INPPL1: variants seen among roughly 807,000 people sequenced by gnomAD.
INPPL1 encodes the protein inositol polyphosphate phosphatase like 1.
A neutral mutation model predicts 139.3 loss-of-function variants in INPPL1; 91 were observed. The observed-to-expected ratio is 0.65, with a 90% CI of 0.55 to 0.78. The LOEUF is 0.78. Ranked by LOEUF, INPPL1 falls within the 30% of genes least tolerant of loss-of-function variation. The pLI is 0.00. For synonymous variants in INPPL1, 719 were observed against 686.6 expected (o/e 1.05, Z -0.74); for missense variants, 1,411 against 1,665.6 (o/e 0.85, Z 2.66).
Position 72,237,357 on chromosome 11 carries a change from G to A in INPPL1, c.3113G>A (p.Ser1038Asn). ...HHRHPRVGEG[S>N]SSDEESGGTL... Reference sequence around the variant, plus strand: ...CGGCACCCTCGTGTGGGAGAGGGGAGTTCTTCAGATGAGGAGTCTGGAGGC... The same window carrying A: ...CGGCACCCTCGTGTGGGAGAGGGGAATTCTTCAGATGAGGAGTCTGGAGGC... Residue 1038 changes from serine to asparagine, a missense_variant, in exon 26 of 28, where the codon AGT becomes AAT. Around this residue, in one of 5 missense-constraint regions of INPPL1, gnomAD observed 438 missense variants for 425.7 expected, o/e 1.03. Coordinates refer to ENST00000298229, the MANE Select transcript of INPPL1 (RefSeq NM_001567.4). 3.1e-6 allele frequency: 5 copies of A among 1,614,000 alleles called. No individual in the cohort carries two copies. The highest frequency in any genetic ancestry group is 4.2e-6 in the Non-Finnish European group (5 of 1,180,024).
chr11:72,237,756 CCCGCAT>C lies in INPPL1; in HGVS notation c.3516_3521del (p.Ile1173_Arg1174del). On this transcript the variant is annotated inframe_deletion, in exon 26 of 28. Coordinates refer to ENST00000298229, the MANE Select transcript of INPPL1 (RefSeq NM_001567.4). Reference sequence around the variant, plus strand: ...GGCCGGCCCCTCAGCTTCCCTCCACCCCGCATCCGGGAGAGCATCCAGGAAGACCTG... The same window carrying C: ...GGCCGGCCCCTCAGCTTCCCTCCACCCCGGGAGAGCATCCAGGAAGACCTG... 1 of 1,610,942 alleles carries C rather than the reference CCCGCAT, an allele frequency of 6.2e-7. No individual in the cohort carries two copies. Among genetic ancestry groups the C allele is most frequent in the Non-Finnish European group, 8.5e-7 (1 of 1,179,166 alleles).
rs187494125 is a variant in INPPL1, at chr11:72,233,049, C to T, written c.1952-26C>T. 3,068 of 1,610,740 alleles carry T rather than the reference C, an allele frequency of 1.9e-3. 15 individuals are homozygous for T. Among genetic ancestry groups the T allele is most frequent in the Admixed American group, 0.014 (839 of 59,982 alleles). ...TATCCCTGGGTGTCAGGGCCCTGAA[C>T]CCCACCTGTCTCCTGCTTTCCTTAG... On this transcript the variant is annotated intron_variant, in intron 16 of 27. Transcript: ENST00000298229.
chr11:72,236,123 T>G, intron 25 of INPPL1, 137 bp downstream of exon 25: 1 of 617,872 alleles, frequency 1.6e-6, no homozygotes, highest in Admixed American at 3.0e-5. Context: ...GGAGCTGCCA[T>G]GGCCTTATGC....
chr11:72,238,134 G>A lies in INPPL1; in HGVS notation c.3645G>A (p.Glu1215=). 1 of 1,587,842 alleles carries A rather than the reference G, an allele frequency of 6.3e-7. No homozygotes were observed. Residue 1215 remains glutamate, a synonymous_variant, in exon 27 of 28, where the codon GAG becomes GAA. Transcript: ENST00000298229. ...LRAIGLERYE[E]GLVHNGWDDL... ...CCATCGGCTTGGAGCGCTATGAGGA[G>A]GGCCTGGTGCATAATGGCTGGGACG...
At chr11:72,231,277 A>T in intron 12 of INPPL1, 88 bp downstream of exon 12, 1 of 1,295,504 alleles carries the variant, frequency 7.7e-7, no homozygotes, top group Non-Finnish European at 1.1e-6. Flanking sequence ...CCCTGGGAGC[A>T]CAGCTTCACT....
chr11:72,231,071 T>G lies in INPPL1; in HGVS notation c.1379T>G (p.Val460Gly), dbSNP rs773103533. 1.2e-6 allele frequency: 2 copies of G among 1,614,124 alleles called. No homozygotes were observed. The highest frequency in any genetic ancestry group is 1.7e-6 in the Non-Finnish European group (2 of 1,180,010). ...GLGKTLDEVTVTIPHDIYVFG... is the reference protein window; with the variant it reads ...GLGKTLDEVTGTIPHDIYVFG... ...GGGAAGACCCTGGACGAGGTCACAG[T>G]GACCATACCCCATGACATCTATGTC... is the stretch of plus-strand genomic sequence containing the variant. Residue 460 changes from valine to glycine, a missense_variant, in exon 12 of 28, where the codon GTG (valine) becomes GGG (glycine). Transcript: ENST00000298229.
Position 72,238,558 on chromosome 11 carries a change from G to A in INPPL1, c.*205G>A, listed in dbSNP as rs1198107223. Reference sequence around the variant, plus strand: ...AGGGCATCCTGCCCCTCGCCTTTTAGGCTCAGGACGGAAGGTCAGTTGCCA... The same window carrying A: ...AGGGCATCCTGCCCCTCGCCTTTTAAGCTCAGGACGGAAGGTCAGTTGCCA... On this transcript the variant is annotated 3_prime_UTR_variant, in exon 28 of 28. Transcript: ENST00000298229. 4.5e-6 allele frequency: 2 copies of A among 449,270 alleles called. No homozygotes were observed. The highest frequency in any genetic ancestry group is 4.8e-5 in the South Asian group (1 of 20,866). The allele number at this position is 449,270 out of a possible 1,614,324, so 27.8% of individuals were successfully genotyped here.
At chr11:72,231,753 A>G in intron 13 of INPPL1, 138 bp downstream of exon 13, 5 of 676,114 alleles carry the variant, frequency 7.4e-6, no homozygotes, top group Non-Finnish European at 1.1e-5. Context: ...TTTGAAAAAC[A>G]TATTCATATT....
chr11:72,231,869 C>A (rs992719598), intron 13 of INPPL1, among the ~76,000 whole-genome samples: 1 of 152,196 alleles, frequency 6.6e-6, no homozygotes, highest in Non-Finnish European at 1.5e-5. Flanking sequence ...TGCCCAAGGT[C>A]ACACAGCAAG....
chr11:72,225,088 T>C lies in INPPL1; in HGVS notation c.104T>C (p.Leu35Pro). The C allele has an allele frequency of 1.6e-6, 2 of 1,230,958 alleles. No homozygotes were observed. Among genetic ancestry groups the C allele is most frequent in the Non-Finnish European group, 2.0e-6 (2 of 987,400 alleles). 76.3% of individuals were successfully genotyped at this position (1,230,958 alleles called of 1,614,324 possible). The change falls in exon 1 of 28, where the codon CTG (leucine) becomes CCG (proline). Residue 35 changes from leucine to proline, a missense_variant. Leu to Pro is a moderately conservative substitution (Grantham distance 98, BLOSUM62 -3). Around this residue, in one of 5 missense-constraint regions of INPPL1, gnomAD observed 504 missense variants for 595.6 expected, o/e 0.85. Coordinates refer to ENST00000298229, the MANE Select transcript of INPPL1 (RefSeq NM_001567.4). ...AGCCGGGCGGCCGCGGAGGAGCTGC[T>C]GGCCCGGGCGGGCCGCGATGGCAGC... ...DLSRAAAEEL[L>P]ARAGRDGSFL...
Position 72,234,746 on chromosome 11 carries a change from T to A in INPPL1, c.2415+131T>A. The A allele has an allele frequency of 3.1e-6, 2 of 642,890 alleles. No individual in the cohort carries two copies. Among genetic ancestry groups the A allele is most frequent in the Non-Finnish European group, 5.5e-6 (2 of 365,868 alleles). 39.8% of individuals were successfully genotyped at this position (642,890 alleles called of 1,614,324 possible). A position where few individuals can be genotyped will look rare whatever the true frequency, so the allele number is the denominator to read the frequency against. On this transcript the variant is annotated intron_variant, in intron 21 of 27. Coordinates refer to ENST00000298229, the MANE Select transcript of INPPL1 (RefSeq NM_001567.4). The surrounding 1 kb of genome is among the most constrained non-coding windows in gnomAD (Gnocchi z 4.2). ...GAGAGAGAGAGAGTGTGTGTGTGTG[T>A]GTGTGTGTGTGTGTGTGTATGGGCA...
chr11:72,230,643 T>G (rs70940825), intron 10 of INPPL1, 153 bp from the exon 11 acceptor site: 2 of 834,208 alleles, frequency 2.4e-6, no homozygotes, highest in Non-Finnish European at 3.9e-6. Flanking sequence ...TGGATAACAT[T>G]TGCCAGCACT....
rs1000717798 is a variant in INPPL1, at chr11:72,234,053, C to T, written c.2213-228C>T. Among the ~76,000 whole-genome samples the T allele has an allele frequency of 2.0e-5, 3 of 152,142 alleles. No homozygotes were observed. Among genetic ancestry groups the T allele is most frequent in the Admixed American group, 6.5e-5 (1 of 15,280 alleles). ...GGGAATCCTGCAGGCATTCTGGTCC[C>T]CAGCACCCTCTTCAATGGGTTTTTT... On this transcript the variant is annotated intron_variant, in intron 19 of 27. Transcript: ENST00000298229. This position sits in a 1 kb window ranked among gnomAD's most constrained non-coding sequence, Gnocchi z 4.2.
At position 72,228,744 on chromosome 11, in the gene INPPL1, C is replaced by T; in HGVS notation, c.415C>T (p.Pro139Ser). 1 of 1,605,790 alleles carries T rather than the reference C, an allele frequency of 6.2e-7. No individual in the cohort carries two copies. The highest frequency in any genetic ancestry group is 8.5e-7 in the Non-Finnish European group (1 of 1,175,600). Residue 139 changes from proline (P) to serine (S), a missense_variant, in exon 4 of 28, where the codon CCC (proline) becomes TCC (serine). Around this residue, in one of 5 missense-constraint regions of INPPL1, gnomAD observed 504 missense variants for 595.6 expected, o/e 0.85. Coordinates refer to ENST00000298229, the MANE Select transcript of INPPL1 (RefSeq NM_001567.4). The surrounding 1 kb of genome is among the most constrained non-coding windows in gnomAD (Gnocchi z 5.0). ...RDASDGEDEKPPLPPRSGSTS... is the reference protein window; with the variant it reads ...RDASDGEDEKSPLPPRSGSTS... ...GCCCACAGATGGGGAGGATGAGAAG[C>T]CCCCGCTGCCCCCGCGCTCTGGCTC...
chr11:72,232,676 G>A lies in INPPL1; in HGVS notation c.1763G>A (p.Arg588Gln), dbSNP rs1041917884. 17 of 1,613,560 alleles carry A rather than the reference G, an allele frequency of 1.1e-5. No homozygotes were observed. Among genetic ancestry groups the A allele is most frequent in the Middle Eastern group, 1.6e-4 (1 of 6,084 alleles). ...DILRLLSLGD[R>Q]QLNAFDISLR... is the part of the protein sequence containing the mutation. ...CTGCGGCTGCTCTCGCTGGGCGACCGGCAGCTCAATGCCTTTGACATCTCT... is the reference window on the plus strand; with the variant it reads ...CTGCGGCTGCTCTCGCTGGGCGACCAGCAGCTCAATGCCTTTGACATCTCT... The change falls in exon 15 of 28, where the codon CGG becomes CAG. Residue 588 changes from arginine (R) to glutamine (Q), a missense_variant. Transcript: ENST00000298229.
Position 72,224,857 on chromosome 11 carries a change from C to T in INPPL1, c.-128C>T. 3.3e-6 allele frequency: 2 copies of T among 601,664 alleles called. No individual in the cohort carries two copies. The highest frequency in any genetic ancestry group is 7.4e-5 in the South Asian group (1 of 13,502). 37.3% of individuals were successfully genotyped at this position (601,664 alleles called of 1,614,324 possible). On this transcript the variant is annotated 5_prime_UTR_variant, in exon 1 of 28. Transcript: ENST00000298229. ...CGCGGCGGAGTGCTGAGTCCCGATC[C>T]CCGGCTCTGTCCGGCCCACGGATCC...
In INPPL1 at chr11:72,234,728, AGAGAGT is replaced by A. The variant is rs1260686119; in HGVS notation, c.2415+115_2415+120del. The A allele has an allele frequency of 9.1e-5, 61 of 672,662 alleles. No individual in the cohort carries two copies. The highest frequency in any genetic ancestry group is 3.9e-4 in the Middle Eastern group (1 of 2,560). The allele number at this position is 672,662 out of a possible 1,614,324, so 41.7% of individuals were successfully genotyped here. A position where few individuals can be genotyped will look rare whatever the true frequency, so the allele number is the denominator to read the frequency against. ...GTGTGGGGCCAGCAGAGAGAGAGAGAGAGAGTGTGTGTGTGTGTGTGTGTGTGTGTG... is the reference window on the plus strand; with the variant it reads ...GTGTGGGGCCAGCAGAGAGAGAGAGAGTGTGTGTGTGTGTGTGTGTGTGTG... On this transcript the variant is annotated intron_variant, in intron 21 of 27. Transcript: ENST00000298229. This position sits in a 1 kb window ranked among gnomAD's most constrained non-coding sequence, Gnocchi z 4.2.
rs377672050 is a variant in INPPL1 at position 72,234,275 on chromosome 11, C to T, written c.2213-6C>T. ...CTCCTGTTTGTTCTCCTCCCTTTCT[C>T]CTCAGGGCTCTCAAAGACTTCAGAC... is the stretch of plus-strand genomic sequence containing the variant. On this transcript the variant is annotated splice_polypyrimidine_tract_variant and splice_region_variant and intron_variant, in intron 19 of 27. Coordinates refer to ENST00000298229, the MANE Select transcript of INPPL1 (RefSeq NM_001567.4). The surrounding 1 kb of genome is among the most constrained non-coding windows in gnomAD (Gnocchi z 4.2). 5.6e-6 allele frequency: 9 copies of T among 1,606,318 alleles called. No individual in the cohort carries two copies. Among genetic ancestry groups the T allele is most frequent in the Non-Finnish European group, 6.8e-6 (8 of 1,173,130 alleles).
chr11:72,229,874 C>A, intron 7 of INPPL1, 50 bp from the exon 8 acceptor site: 1 of 1,587,784 alleles, frequency 6.3e-7, no homozygotes, highest in Non-Finnish European at 8.6e-7. Flanking sequence ...CCCTCCCTGC[C>A]CCAGCCTTCA....
Sources: gnomAD v4.1 joint callset for allele counts (sites outside exome capture counted in the v4.1 genomes callset) on GRCh38, gnomAD v4.1.1 for gene constraint, gnomAD v4.1.1 regional missense constraint, Gnocchi (gnomAD v3.1) non-coding constraint, MANE v1.5 for transcripts, NCBI Gene and HGNC (gene_info 2026-07-23, HGNC 2026-07-21) for gene names.